MPP2: variants seen among roughly 807,000 people sequenced by gnomAD.
MPP2 encodes the protein MAGUK p55 subfamily member 2.
A neutral mutation model predicts 58.5 loss-of-function variants in MPP2; 42 were observed. The observed-to-expected ratio is 0.72, with a 90% CI of 0.56 to 0.93. MPP2 has a LOEUF of 0.93. MPP2 is among the 40% of genes least tolerant of loss of function. MPP2 has a pLI of 0.00. For missense variants in MPP2, 632 were observed against 760.4 expected (o/e 0.83, Z 1.99); for synonymous variants, 300 against 307.8 (o/e 0.97, Z 0.26).
chr17:43,907,536 T>C lies in MPP2; in HGVS notation c.-96A>G, dbSNP rs1231704631. On this transcript the variant is annotated 5_prime_UTR_variant, in exon 1 of 13. Coordinates refer to ENST00000269095, the MANE Select transcript of MPP2 (RefSeq NM_005374.5). ...GCGCAGCCGGGCGCTCAGCGTTTAT[T>C]GCTTGTCAATCGCTAGCCCGGCTCT... 5 of 985,406 alleles carry C rather than the reference T, an allele frequency of 5.1e-6. No individual in the cohort carries two copies. In the East Asian group the frequency reaches 5.7e-4, roughly 112 times the overall value. 61.0% of individuals were successfully genotyped at this position (985,406 alleles called of 1,614,324 possible).
At chr17:43,908,161 G>A (rs563557291), upstream of MPP2, among the ~76,000 whole-genome samples, 11 of 152,336 alleles carry the variant, frequency 7.2e-5, no homozygotes, top group Non-Finnish European at 1.3e-4. Context: ...ATGGAATAAA[G>A]AAGTAACTGG....
At chr17:43,899,952 A>G (rs903241063) in intron 2 of MPP2, among the ~76,000 whole-genome samples, 2 of 152,312 alleles carry the variant, frequency 1.3e-5, no homozygotes, top group South Asian at 2.1e-4. Flanking sequence ...CTACATCTGC[A>G]TAACAGTACC....
chr17:43,892,535 T>C (rs983443634), intron 3 of MPP2, among the ~76,000 whole-genome samples: 1 of 151,978 alleles, frequency 6.6e-6, no homozygotes, highest in Non-Finnish European at 1.5e-5. Context: ...ACAGAAGAAA[T>C]GAATGGCTTT....
intron 3 of MPP2, among the ~76,000 whole-genome samples, chr17:43,895,766 T>G (rs1050815504): frequency 6.6e-6 from 1 of 152,162 alleles, no homozygotes; most frequent in African/African-American, 2.4e-5. Context: ...GCCTCCAGAG[T>G]AGCTGGGACT....
upstream of MPP2, chr17:43,907,562 T>A (rs1241682607): frequency 6.1e-6 from 6 of 985,374 alleles, no homozygotes; most frequent in Non-Finnish European, 7.2e-6. Flanking sequence ...GCCCGGCTCT[T>A]AAAGCGGCAA....
At chr17:43,884,601 TA>T (rs2047286160) in intron 3 of MPP2, among the ~76,000 whole-genome samples, 1 of 152,256 alleles carries the variant, frequency 6.6e-6, no homozygotes, top group Non-Finnish European at 1.5e-5. Context: ...TGATTAGACT[TA>T]CGTTAATCCT....
chr17:43,882,595 C>T, intron 5 of MPP2, 84 bp from the exon 6 acceptor site: 1 of 1,281,524 alleles, frequency 7.8e-7, no homozygotes, highest in Non-Finnish European at 1.1e-6. Context: ...CTCCTCCATT[C>T]CTGTCCCTAC....
Position 43,898,301 on chromosome 17 carries a change from T to A in MPP2, c.111A>T (p.Arg37=). Residue 37 remains arginine (R), a synonymous_variant, in exon 3 of 13, where the codon CGA becomes CGT. Transcript: ENST00000269095. ...TTACTATGGGACTTTCCATAATGCCTCGAAGGAAGATCAGGTCCAGCTCTG... is the reference window on the plus strand; with the variant it reads ...TTACTATGGGACTTTCCATAATGCCACGAAGGAAGATCAGGTCCAGCTCTG... The part of the protein sequence containing the change: ...GAAELDLIFL[R]GIMESPIVRS... 1 of 1,614,100 alleles carries A rather than the reference T, an allele frequency of 6.2e-7. No individual in the cohort carries two copies.
At chr17:43,903,421 C>T (rs1195793048) in intron 2 of MPP2, among the ~76,000 whole-genome samples, 1 of 152,142 alleles carries the variant, frequency 6.6e-6, no homozygotes, top group African/African-American at 2.4e-5. Flanking sequence ...AGGCCAGGCA[C>T]AGTGGTTCAC....
Position 43,879,875 on chromosome 17 carries a change from G to A in MPP2, c.1260C>T (p.Gly420=), listed in dbSNP as rs964370638. 1.4e-5 allele frequency: 23 copies of A among 1,613,848 alleles called. No individual in the cohort carries two copies. Among genetic ancestry groups the A allele is most frequent in the African/African-American group, 8.0e-5 (6 of 74,846 alleles). The change falls in exon 11 of 13, where the codon GGC becomes GGT. Residue 420 remains glycine, a synonymous_variant. Transcript: ENST00000269095. The surrounding 1 kb of genome is among the most constrained non-coding windows in gnomAD (Gnocchi z 4.1). ...TGCCATACAGGTTGCCCTCGTATTC[G>A]CCATGCTCCAGGTAGCGCCCAGCAC... ...DVRAGRYLEH[G]EYEGNLYGTR... is the part of the protein sequence containing the mutation.
intron 3 of MPP2, among the ~76,000 whole-genome samples, chr17:43,895,121 T>A (rs1423481243): frequency 7.3e-6 from 1 of 136,962 alleles, no homozygotes; most frequent in African/African-American, 3.3e-5. Flanking sequence ...TATTTATTTA[T>A]TTTTTTTTTT....
chr17:43,878,605 G>A (rs1473315471), intron 12 of MPP2, among the ~76,000 whole-genome samples: 1 of 152,222 alleles, frequency 6.6e-6, no homozygotes, highest in Non-Finnish European at 1.5e-5. Flanking sequence ...AAGGTCCAGA[G>A]CTCCTTAAGG....
Position 43,879,962 on chromosome 17 carries a change from G to A in MPP2, c.1173C>T (p.Asp391=), listed in dbSNP as rs151177992. Residue 391 remains aspartate, a synonymous_variant, in exon 11 of 13, where the codon GAC becomes GAT. Coordinates refer to ENST00000269095, the MANE Select transcript of MPP2 (RefSeq NM_005374.5). This position sits in a 1 kb window ranked among gnomAD's most constrained non-coding sequence, Gnocchi z 4.1. ...TGTAACCCTGACCTTCCCGCTCTGA[G>A]TCTTTCGGCCGCCGGGAGGTGTCTA... The part of the protein sequence containing the change: ...TVPYTSRRPK[D]SEREGQGYSF... 38 of 1,614,062 alleles carry A rather than the reference G, an allele frequency of 2.4e-5. 1 individual carries two copies. In the African/African-American group the frequency reaches 4.8e-4, roughly 20 times the overall value.
At chr17:43,898,486 G>T in intron 2 of MPP2, 106 bp from the exon 3 acceptor site, 1 of 235,206 alleles carries the variant, frequency 4.3e-6, no homozygotes, top group Non-Finnish European at 7.0e-6. Flanking sequence ...CCCACAGAAG[G>T]CAGCCCCTCC....
At chr17:43,882,224 A>T in intron 6 of MPP2, 60 bp downstream of exon 6, 1 of 1,489,140 alleles carries the variant, frequency 6.7e-7, no homozygotes, top group Non-Finnish European at 9.2e-7. Context: ...TGAGACCTGC[A>T]ACCTTGACAG....
intron 2 of MPP2, among the ~76,000 whole-genome samples, chr17:43,903,064 T>A (rs2048157037): frequency 6.6e-6 from 1 of 152,018 alleles, no homozygotes; most frequent in African/African-American, 2.4e-5. Context: ...GGCAGGTGGA[T>A]CACCTGAGGT....
intron 4 of MPP2, 24 bp downstream of exon 4, chr17:43,883,179 A>G: frequency 6.3e-7 from 1 of 1,585,520 alleles, no homozygotes; most frequent in South Asian, 1.1e-5. Context: ...CTGCTCCCTC[A>G]CCCCAGCCCT....
Position 43,876,455 on chromosome 17 carries a change from CA to C in MPP2, c.*1351del, listed in dbSNP as rs1366680162. ...CAAAACTGCCCTCCCCAAGTTATGGCAGGGGGGCATTTAGGGTAGGGGGACA... is the reference window on the plus strand; with the variant it reads ...CAAAACTGCCCTCCCCAAGTTATGGCGGGGGGCATTTAGGGTAGGGGGACA... On this transcript the variant is annotated 3_prime_UTR_variant, in exon 13 of 13. Transcript: ENST00000269095. 1 of 152,134 alleles carries C rather than the reference CA, an allele frequency of 6.6e-6. No individual in the cohort carries two copies. The highest frequency in any genetic ancestry group is 2.4e-5 in the African/African-American group (1 of 41,400). The allele number at this position is 152,134 out of a possible 1,614,324, so 9.4% of individuals were successfully genotyped here.
Position 43,885,890 on chromosome 17 carries a change from A to G in MPP2, c.151-2535T>C, listed in dbSNP as rs149696399. Among the ~76,000 whole-genome samples, 280 of 152,186 alleles carry G rather than the reference A, an allele frequency of 1.8e-3. 2 individuals are homozygous for G. Among genetic ancestry groups the G allele is most frequent in the African/African-American group, 6.3e-3 (260 of 41,522 alleles). On this transcript the variant is annotated intron_variant, in intron 3 of 12. Transcript: ENST00000269095. ...TTTGGGAAGCCAAGGCAGGAGGATC[A>G]CCTGAGGTCAGGAGTTTGAGACGAG...
Sources: allele counts gnomAD v4.1 joint callset (sites outside exome capture counted in the v4.1 genomes callset), GRCh38; gene constraint gnomAD v4.1.1; non-coding constraint Gnocchi (gnomAD v3.1); transcripts MANE v1.5; gene names NCBI Gene and HGNC (gene_info 2026-07-23, HGNC 2026-07-21).